BNC2: variants seen among roughly 807,000 people sequenced by gnomAD.
BNC2 encodes basonuclin zinc finger protein 2, also known as zinc finger protein basonuclin-2.
BNC2 carries 20 observed loss-of-function variants against 76.3 expected under a neutral mutation model. The ratio of observed to expected loss-of-function variants is 0.26; its 90% CI spans 0.18 to 0.38. The LOEUF (loss-of-function observed/expected upper bound fraction) is 0.38. BNC2 is among the 10% of genes least tolerant of loss of function. The pLI, the probability that BNC2 is intolerant of heterozygous loss-of-function variation, is 1.00. For missense variants in BNC2, 1,382 were observed against 1,399.8 expected (o/e 0.99, Z 0.20); for synonymous variants, 582 against 514.8 (o/e 1.13, Z -1.77).
intron 1 of BNC2, among the ~76,000 whole-genome samples, chr9:16,771,129 A>G (rs912547508): frequency 2.0e-5 from 3 of 152,140 alleles, no homozygotes; most frequent in African/African-American, 7.2e-5. Flanking sequence ...AGATCACACT[A>G]CTGCTCTCCA....
chr9:16,599,264 C>A (rs1217695869), intron 3 of BNC2, among the ~76,000 whole-genome samples: 1 of 152,184 alleles, frequency 6.6e-6, no homozygotes, highest in African/African-American at 2.4e-5. Flanking sequence ...CAATCATATT[C>A]AAGTAATTTG....
chr9:16,804,986 C>T (rs533235122), intron 1 of BNC2, among the ~76,000 whole-genome samples: 103 of 152,070 alleles, frequency 6.8e-4, no homozygotes, highest in African/African-American at 2.3e-3. Context: ...CTCTTGAACT[C>T]GGGAGGTGGA....
intron 4 of BNC2, among the ~76,000 whole-genome samples, chr9:16,575,885 C>T (rs933451149): frequency 6.6e-6 from 1 of 152,316 alleles, no homozygotes; most frequent in African/African-American, 2.4e-5. Flanking sequence ...TAGGCAAAGC[C>T]GGGTTTCAGC....
chr9:16,793,759 G>C (rs546313001), intron 1 of BNC2, among the ~76,000 whole-genome samples: 1 of 140,936 alleles, frequency 7.1e-6, no homozygotes, highest in South Asian at 2.3e-4. Flanking sequence ...TCCGCCTCCC[G>C]GGTTCACGCC....
At chr9:16,710,039 C>G (rs897100221) in intron 3 of BNC2, among the ~76,000 whole-genome samples, 3 of 152,014 alleles carry the variant, frequency 2.0e-5, no homozygotes, top group Non-Finnish European at 4.4e-5. Context: ...AACAGACATT[C>G]TCTTATTTTC....
intron 1 of BNC2, among the ~76,000 whole-genome samples, chr9:16,851,097 T>C (rs1004693515): frequency 6.6e-6 from 1 of 152,234 alleles, no homozygotes. Context: ...CAAATTTCCT[T>C]AGTGTATTCA....
Position 16,780,487 on chromosome 9 carries a change from G to C in BNC2, c.4-42002C>G, listed in dbSNP as rs575201932. 3.3e-5 allele frequency among the ~76,000 whole-genome samples: 5 copies of C among 151,538 alleles called. No homozygotes were observed. The South Asian group carries it at 1.0e-3, about 32-fold the overall frequency. On this transcript the variant is annotated intron_variant, in intron 1 of 6. Coordinates refer to ENST00000380672, the MANE Select transcript of BNC2 (RefSeq NM_017637.6). The stretch of plus-strand genomic sequence containing the variant: ...CTCGGGAGACTGAGGCAAGGGAATC[G>C]CCTGAACCCAGGAGGCGGAGGCTGC...
At chr9:16,565,947 A>T (rs1819154091) in intron 4 of BNC2, among the ~76,000 whole-genome samples, 1 of 141,122 alleles carries the variant, frequency 7.1e-6, no homozygotes, top group African/African-American at 3.1e-5. Context: ...GGACATGAAC[A>T]AGAGAAGAAC....
chr9:16,721,506 T>G (rs1331249107), intron 3 of BNC2, among the ~76,000 whole-genome samples: 1 of 152,082 alleles, frequency 6.6e-6, no homozygotes, highest in African/African-American at 2.4e-5. Context: ...CATCACTTCC[T>G]AGGACCCCCA....
At chr9:16,660,936 A>T (rs1234314191) in intron 3 of BNC2, among the ~76,000 whole-genome samples, 2 of 152,170 alleles carry the variant, frequency 1.3e-5, no homozygotes, top group Admixed American at 6.5e-5. Context: ...AAGGAACTAA[A>T]CCGTCCTCAA....
intron 5 of BNC2, among the ~76,000 whole-genome samples, chr9:16,480,843 C>T (rs943446292): frequency 1.3e-5 from 2 of 152,208 alleles, no homozygotes; most frequent in Admixed American, 6.5e-5. Flanking sequence ...GTGCCACCCC[C>T]TGCTCCACGG....
intron 1 of BNC2, among the ~76,000 whole-genome samples, chr9:16,801,403 AT>A (rs11413212): frequency 2.3e-4 from 33 of 144,734 alleles, no homozygotes; most frequent in Non-Finnish European, 2.3e-4. Flanking sequence ...TAATTTTTCT[AT>A]TTTTTTTTTT....
chr9:16,698,323 A>T (rs370066746), intron 3 of BNC2, among the ~76,000 whole-genome samples: 1 of 3,822 alleles, frequency 2.6e-4, no homozygotes, highest in South Asian at 1.1e-3. Context: ...ACTGTTTATT[A>T]AAAAAAAAAA....
chr9:16,640,541 A>T (rs1821462858), intron 3 of BNC2, among the ~76,000 whole-genome samples: 1 of 152,182 alleles, frequency 6.6e-6, no homozygotes, highest in South Asian at 2.1e-4. Context: ...TTCTTATTGC[A>T]CTTCAACATT....
intron 1 of BNC2, among the ~76,000 whole-genome samples, chr9:16,801,743 A>ACACAC (rs71327863): frequency 6.7e-6 from 1 of 148,718 alleles, no homozygotes; most frequent in Non-Finnish European, 1.5e-5. Flanking sequence ...AAAAAAAAAA[A>ACACAC]ACACACACAC....
intron 3 of BNC2, among the ~76,000 whole-genome samples, chr9:16,654,618 T>A (rs2133980741): frequency 6.6e-6 from 1 of 152,292 alleles, no homozygotes; most frequent in African/African-American, 2.4e-5. Context: ...TTTGTGTAGA[T>A]ATACTTCTTC....
rs536691419 is a variant in BNC2 at position 16,495,768 on chromosome 9, A to C, written c.669+56762T>G. Among the ~76,000 whole-genome samples, 5 of 152,306 alleles carry C rather than the reference A, an allele frequency of 3.3e-5. No homozygotes were observed. In the East Asian group the frequency reaches 9.7e-4, roughly 29 times the overall value. On this transcript the variant is annotated intron_variant, in intron 5 of 6. Coordinates refer to ENST00000380672, the MANE Select transcript of BNC2 (RefSeq NM_017637.6). ...TTCATGGCTCTCTGAAGGTTAACGA[A>C]GACTCAGACATCAGTTTGACTCAAA...
At chr9:16,819,169 C>T (rs926671027) in intron 1 of BNC2, among the ~76,000 whole-genome samples, 4 of 152,076 alleles carry the variant, frequency 2.6e-5, no homozygotes, top group African/African-American at 7.2e-5. Flanking sequence ...GCTGTCTGTA[C>T]AACAAACGGT....
At chr9:16,760,021 C>T (rs1825508044) in intron 1 of BNC2, among the ~76,000 whole-genome samples, 1 of 152,150 alleles carries the variant, frequency 6.6e-6, no homozygotes, top group South Asian at 2.1e-4. Flanking sequence ...CCGCGCGGGG[C>T]CAGAGACAGA....
Sources: allele counts gnomAD v4.1 joint callset (sites outside exome capture counted in the v4.1 genomes callset), GRCh38; gene constraint gnomAD v4.1.1; transcripts MANE v1.5; gene names NCBI Gene and HGNC (gene_info 2026-07-23, HGNC 2026-07-21).